Variants in KIAA0825 observed in about 807,000 individuals in gnomAD.
The protein encoded by KIAA0825 is KIAA0825.
In KIAA0825, 119 loss-of-function variants were observed where a neutral mutation model predicts 147.6. That is an observed-to-expected ratio of 0.81 (90% CI 0.69 to 0.94). KIAA0825 has a LOEUF of 0.94. KIAA0825 is among the 40% of genes least tolerant of loss of function. The probability of loss-of-function intolerance (pLI) is 0.00; values close to 1 mark genes in which losing one functional copy is unlikely to be tolerated. For synonymous variants in KIAA0825, 470 were observed against 518.1 expected, an observed-to-expected ratio of 0.91 and a Z score of 1.26; for missense variants, 1,381 against 1,472.7, an observed-to-expected ratio of 0.94 and a Z score of 1.02.
chr5:94,365,496 A>C (rs1405532586), intron 20 of KIAA0825, among the ~76,000 whole-genome samples: 2 of 152,230 alleles, frequency 1.3e-5, no homozygotes. Context: ...AGCTGGACAC[A>C]GGTCCTGTTG....
chr5:94,613,471 T>C (rs528206082), intron 1 of KIAA0825, among the ~76,000 whole-genome samples: 1 of 152,336 alleles, frequency 6.6e-6, no homozygotes, highest in African/African-American at 2.4e-5. Context: ...AGTGCTGGGA[T>C]TACAGGCATG....
intron 2 of KIAA0825, among the ~76,000 whole-genome samples, chr5:94,579,171 C>T (rs1243152181): frequency 3.0e-4 from 45 of 152,144 alleles, no homozygotes; most frequent in Admixed American, 2.7e-3. Context: ...CTGCCCACCT[C>T]GGCCTCCCAA....
chr5:94,416,926 A>G (rs1449042032), intron 15 of KIAA0825: 1 of 272,162 alleles, frequency 3.7e-6, no homozygotes, highest in Admixed American at 4.7e-5. Context: ...TAAATATTAA[A>G]ATAAATTTTT....
chr5:94,442,645 G>C (rs1757233670), intron 13 of KIAA0825, among the ~76,000 whole-genome samples: 1 of 152,146 alleles, frequency 6.6e-6, no homozygotes, highest in Admixed American at 6.5e-5. Flanking sequence ...ACTGATTCTA[G>C]ATGCTCCCTT....
chr5:94,509,638 A>G (rs910393050), intron 5 of KIAA0825, among the ~76,000 whole-genome samples: 2 of 152,234 alleles, frequency 1.3e-5, no homozygotes, highest in Non-Finnish European at 2.9e-5. Context: ...GTCTCTTTGG[A>G]GAAAGTAACT....
At chr5:94,265,253 C>T (rs1448227291) in intron 20 of KIAA0825, among the ~76,000 whole-genome samples, 3 of 152,160 alleles carry the variant, frequency 2.0e-5, no homozygotes, top group African/African-American at 7.2e-5. Context: ...ATCATTGGCA[C>T]TATTCTATGC....
chr5:94,186,067 T>C (rs540305281), intron 20 of KIAA0825, among the ~76,000 whole-genome samples: 1 of 152,210 alleles, frequency 6.6e-6, no homozygotes, highest in East Asian at 1.9e-4. Flanking sequence ...AAAGTAACCT[T>C]CCCAACAGAG....
chr5:94,610,093 TA>T (rs1290040875), intron 1 of KIAA0825, among the ~76,000 whole-genome samples: 1 of 152,122 alleles, frequency 6.6e-6, no homozygotes, highest in Non-Finnish European at 1.5e-5. Flanking sequence ...TTTGATGAGC[TA>T]AAGTTTGAAA....
intron 20 of KIAA0825, among the ~76,000 whole-genome samples, chr5:94,321,763 C>T (rs1260762704): frequency 6.6e-6 from 1 of 151,906 alleles, no homozygotes; most frequent in Non-Finnish European, 1.5e-5. Flanking sequence ...ACACATTGCA[C>T]ATCTTCTAGT....
At chr5:94,612,334 G>A (rs945402654) in intron 1 of KIAA0825, among the ~76,000 whole-genome samples, 4 of 152,140 alleles carry the variant, frequency 2.6e-5, no homozygotes, top group Non-Finnish European at 4.4e-5. Context: ...ATTGAATACC[G>A]TGGCAACATG....
At chr5:94,510,624 A>C (rs530989392) in intron 5 of KIAA0825, among the ~76,000 whole-genome samples, 121 of 152,354 alleles carry the variant, frequency 7.9e-4, no homozygotes, top group African/African-American at 2.9e-3. Flanking sequence ...GTGTTTTGGT[A>C]AGACTAGAAG....
chr5:94,179,009 A>T (rs1769359787), intron 20 of KIAA0825, among the ~76,000 whole-genome samples: 1 of 152,130 alleles, frequency 6.6e-6, no homozygotes, highest in Non-Finnish European at 1.5e-5. Context: ...CATTTTTCTA[A>T]GTGAAAGAAG....
intron 1 of KIAA0825, among the ~76,000 whole-genome samples, chr5:94,603,478 C>T (rs1355324533): frequency 2.0e-5 from 3 of 152,128 alleles, no homozygotes; most frequent in Admixed American, 2.0e-4. Flanking sequence ...AACACACTAA[C>T]GTACACAGAC....
chr5:94,510,056 G>A (rs543919568), intron 5 of KIAA0825, among the ~76,000 whole-genome samples: 5 of 152,208 alleles, frequency 3.3e-5, no homozygotes, highest in African/African-American at 1.2e-4. Flanking sequence ...CTCTGACAAC[G>A]ATCATCAAAA....
At chr5:94,394,730 TA>T (rs1327782300) in intron 17 of KIAA0825, among the ~76,000 whole-genome samples, 1 of 152,214 alleles carries the variant, frequency 6.6e-6, no homozygotes, top group East Asian at 1.9e-4. Flanking sequence ...CTGCCATGGA[TA>T]ATGACATCAG....
chr5:94,386,896 C>G (rs1199710714), intron 18 of KIAA0825, among the ~76,000 whole-genome samples: 1 of 152,128 alleles, frequency 6.6e-6, no homozygotes, highest in Non-Finnish European at 1.5e-5. Flanking sequence ...ATGCAAGCTC[C>G]TAAACTCTAT....
intron 1 of KIAA0825, among the ~76,000 whole-genome samples, chr5:94,597,246 C>A (rs1785471153): frequency 6.6e-6 from 1 of 151,828 alleles, no homozygotes; most frequent in African/African-American, 2.4e-5. Flanking sequence ...AGAACATTAT[C>A]CAAAATAGAC....
intron 2 of KIAA0825, among the ~76,000 whole-genome samples, chr5:94,543,127 G>A (rs923838872): frequency 6.6e-6 from 1 of 152,204 alleles, no homozygotes; most frequent in Admixed American, 6.5e-5. Flanking sequence ...GAGGGTACAA[G>A]CCCATGACTT....
chr5:94,562,239 G>A (rs1777685589), intron 2 of KIAA0825, among the ~76,000 whole-genome samples: 1 of 152,142 alleles, frequency 6.6e-6, no homozygotes, highest in Non-Finnish European at 1.5e-5. Context: ...TTCAATAGAA[G>A]TATAATTTGT....
Sources: allele counts gnomAD v4.1 joint callset (sites outside exome capture counted in the v4.1 genomes callset), GRCh38; gene constraint gnomAD v4.1.1; transcripts MANE v1.5; gene names NCBI Gene and HGNC (gene_info 2026-07-23, HGNC 2026-07-21).